Variants in PIK3C3 observed in about 807,000 individuals in gnomAD.
The protein encoded by PIK3C3 is phosphatidylinositol 3-kinase catalytic subunit type 3, also known as PI3-kinase type 3.
A neutral mutation model predicts 126.1 loss-of-function variants in PIK3C3; 95 were observed. The ratio of observed to expected loss-of-function variants is 0.75; its 90% confidence interval spans 0.64 to 0.89. The LOEUF is 0.89. Ranked by LOEUF, PIK3C3 falls within the 40% of genes least tolerant of loss-of-function variation. The pLI, the probability that PIK3C3 is intolerant of heterozygous loss-of-function variation, is 0.00. For missense variants in PIK3C3, 829 were observed against 1,063.2 expected, an observed-to-expected ratio of 0.78 and a Z score of 3.06; for synonymous variants, 374 against 360.0, an observed-to-expected ratio of 1.04 and a Z score of -0.44.
chr18:42,024,780 T>A (rs1296138274), intron 13 of PIK3C3, among the ~76,000 whole-genome samples: 2 of 151,628 alleles, frequency 1.3e-5, no homozygotes, highest in Non-Finnish European at 2.9e-5. Flanking sequence ...ATGCTTATTA[T>A]GAGCATCAAC....
chr18:42,055,852 G>A (rs530113), intron 21 of PIK3C3, among the ~76,000 whole-genome samples: 75,037 of 151,844 alleles, frequency 0.49, 20,227 homozygotes, highest in African/African-American at 0.72. Context: ...AATAGTGTAT[G>A]TTCTCTTTAA....
intron 2 of PIK3C3, among the ~76,000 whole-genome samples, chr18:41,961,680 G>A (rs1980093464): frequency 6.6e-6 from 1 of 152,148 alleles, no homozygotes; most frequent in Admixed American, 6.5e-5. Flanking sequence ...CTAGGTATTA[G>A]TTTGGCATAT....
chr18:42,056,481 G>T (rs1985070478), intron 21 of PIK3C3, among the ~76,000 whole-genome samples: 1 of 152,120 alleles, frequency 6.6e-6, no homozygotes, highest in Non-Finnish European at 1.5e-5. Flanking sequence ...TGGCAGTTTT[G>T]TGTCAGAGAT....
chr18:41,974,285 C>T (rs1980810366), intron 4 of PIK3C3, among the ~76,000 whole-genome samples: 1 of 152,138 alleles, frequency 6.6e-6, no homozygotes, highest in Non-Finnish European at 1.5e-5. Flanking sequence ...ATTCTAATTA[C>T]AGTATGAATA....
At chr18:42,045,760 G>C (rs1984532173) in intron 20 of PIK3C3, among the ~76,000 whole-genome samples, 1 of 152,266 alleles carries the variant, frequency 6.6e-6, no homozygotes, top group Admixed American at 6.5e-5. Flanking sequence ...CACAGAATTT[G>C]TGGCCATTTC....
intron 21 of PIK3C3, among the ~76,000 whole-genome samples, chr18:42,056,700 T>C (rs1426299836): frequency 2.0e-5 from 3 of 152,122 alleles, no homozygotes; most frequent in Non-Finnish European, 4.4e-5. Context: ...ATTGCTTAGC[T>C]TAGTTGAACA....
In PIK3C3 at chr18:41,985,913, GA is replaced by G. The variant is rs1981450510; in HGVS notation, c.532-1893del. Among the ~76,000 whole-genome samples, 5 of 152,168 alleles carry G rather than the reference GA, an allele frequency of 3.3e-5. No individual in the cohort carries two copies. In the South Asian group the frequency reaches 1.0e-3, roughly 32 times the overall value. ...TGTCTGGATAGTTTTAGTAAAGGAG[GA>G]AAAAAGTTCCCACCACATTCTCCCA... On this transcript the variant is annotated intron_variant, in intron 4 of 24. Transcript: ENST00000262039.
At chr18:42,004,305 C>T (rs972620915) in intron 9 of PIK3C3, 51 bp from the exon 10 acceptor site, 6 of 1,440,128 alleles carry the variant, frequency 4.2e-6, no homozygotes, top group East Asian at 2.4e-5. Context: ...GTCAACTTCT[C>T]TATCCCAGGA....
intron 24 of PIK3C3, among the ~76,000 whole-genome samples, chr18:42,074,949 T>A (rs1985919078): frequency 6.6e-6 from 1 of 152,180 alleles, no homozygotes; most frequent in Non-Finnish European, 1.5e-5. Flanking sequence ...TTGAAAGCCG[T>A]GTAGCCTTGA....
chr18:41,982,854 T>C (rs1198160484), intron 4 of PIK3C3, among the ~76,000 whole-genome samples: 5 of 152,202 alleles, frequency 3.3e-5, no homozygotes, highest in Admixed American at 3.3e-4. Flanking sequence ...TTACATTTAA[T>C]GGTGTCTCAG....
rs145871782 is a variant in PIK3C3, at chr18:42,042,443, TG to T, written c.2104-1288del. ...CCTTCTAGCAAGTCAAACCTGTCAG[TG>T]GTCCTGGGGACCCGTTTAACATACC... On this transcript the variant is annotated intron_variant, in intron 19 of 24. Coordinates refer to ENST00000262039, the MANE Select transcript of PIK3C3 (RefSeq NM_002647.4). Among the ~76,000 whole-genome samples, 655 of 152,296 alleles carry T rather than the reference TG, an allele frequency of 4.3e-3. 11 individuals carry two copies. The highest frequency in any genetic ancestry group is 0.015 in the African/African-American group (611 of 41,570).
intron 3 of PIK3C3, among the ~76,000 whole-genome samples, chr18:41,966,472 T>A (rs1394777039): frequency 6.6e-6 from 1 of 152,142 alleles, no homozygotes; most frequent in Non-Finnish European, 1.5e-5. Flanking sequence ...GCCTGGCCTA[T>A]TGTTCTTTAC....
At chr18:41,997,172 G>T (rs1982067928) in intron 9 of PIK3C3, among the ~76,000 whole-genome samples, 1 of 152,116 alleles carries the variant, frequency 6.6e-6, no homozygotes, top group Admixed American at 6.6e-5. Context: ...GAACCTGGGT[G>T]ACTAGGAAAA....
chr18:42,060,119 G>T (rs963974367), intron 22 of PIK3C3, among the ~76,000 whole-genome samples: 3 of 151,912 alleles, frequency 2.0e-5, no homozygotes, highest in Non-Finnish European at 4.4e-5. Context: ...TGTTTTAGTT[G>T]GTTGAAAAAA....
chr18:42,004,291 C>A, intron 9 of PIK3C3, 65 bp from the exon 10 acceptor site: 1 of 1,257,838 alleles, frequency 8.0e-7, no homozygotes, highest in Non-Finnish European at 1.1e-6. Context: ...TGGAACTCTG[C>A]CTAGTCAACT....
chr18:41,988,012 C>T, intron 5 of PIK3C3, 114 bp downstream of exon 5: 1 of 607,598 alleles, frequency 1.6e-6, no homozygotes. Context: ...TCAGGGTTAA[C>T]CCCTGTAGCT....
At chr18:42,007,333 C>T (rs1212981932) in intron 10 of PIK3C3, among the ~76,000 whole-genome samples, 2 of 151,946 alleles carry the variant, frequency 1.3e-5, no homozygotes, top group Non-Finnish European at 2.9e-5. Context: ...CTAGACAAAG[C>T]TTTTCTTCTT....
rs150692002 is a variant in PIK3C3 at position 42,027,356 on chromosome 18, A to T, written c.1485-87A>T. On this transcript the variant is annotated intron_variant, in intron 13 of 24. Coordinates refer to ENST00000262039, the MANE Select transcript of PIK3C3 (RefSeq NM_002647.4). ...TTATTATTTTTGCATATGTAAATTA[A>T]TCTGTTTTAGTGAAATGATATGAGT... 370 of 602,020 alleles carry T rather than the reference A, an allele frequency of 6.1e-4. 4 individuals carry two copies. The African/African-American group carries it at 6.8e-3, about 11-fold the overall frequency. The allele number at this position is 602,020 out of a possible 1,614,324, so 37.3% of individuals were successfully genotyped here.
At chr18:42,025,751 GA>G (rs1218995433) in intron 13 of PIK3C3, 1 of 152,142 alleles carries the variant, frequency 6.6e-6, no homozygotes, top group African/African-American at 2.4e-5. Flanking sequence ...TCATGTAATG[GA>G]ATTCAAGATT....
Sources: gnomAD v4.1 joint callset for allele counts (sites outside exome capture counted in the v4.1 genomes callset) on GRCh38, gnomAD v4.1.1 for gene constraint, MANE v1.5 for transcripts, NCBI Gene and HGNC (gene_info 2026-07-23, HGNC 2026-07-21) for gene names.